The following CCDC152 variants were observed in gnomAD, a reference collection of about 807,000 sequenced individuals.
CCDC152 encodes coiled-coil domain containing 152.
A neutral mutation model predicts 38.1 loss-of-function variants in CCDC152; 37 were observed. The observed-to-expected ratio is 0.97, with a 90% confidence interval of 0.75 to 1.28. The LOEUF (loss-of-function observed/expected upper bound fraction) is 1.28, where lower values mean the gene tolerates loss of function less well. CCDC152 is among the 50% of genes most tolerant of loss of function. CCDC152 has a pLI of 0.00. For missense variants in CCDC152, 259 were observed against 292.1 expected, an observed-to-expected ratio of 0.89 and a Z score of 0.83; for synonymous variants, 83 against 87.1, an observed-to-expected ratio of 0.95 and a Z score of 0.26.
At chr5:42,784,255 T>G (rs1759890197) in intron 6 of CCDC152, among the ~76,000 whole-genome samples, 1 of 152,138 alleles carries the variant, frequency 6.6e-6, no homozygotes, top group Non-Finnish European at 1.5e-5. Flanking sequence ...ACAACATCTG[T>G]TATTTTTTTG....
chr5:42,781,739 C>T (rs1303751133), intron 5 of CCDC152, among the ~76,000 whole-genome samples: 2 of 152,062 alleles, frequency 1.3e-5, no homozygotes. Context: ...TATGTGTGTG[C>T]ACATATATAC....
At chr5:42,776,564 G>C (rs1480128234) in intron 4 of CCDC152, among the ~76,000 whole-genome samples, 1 of 152,094 alleles carries the variant, frequency 6.6e-6, no homozygotes, top group Admixed American at 6.6e-5. Context: ...TCAATCAATT[G>C]ACTATAATGG....
At chr5:42,786,587 T>C (rs1223200024) in intron 6 of CCDC152, among the ~76,000 whole-genome samples, 1 of 152,126 alleles carries the variant, frequency 6.6e-6, no homozygotes, top group Admixed American at 6.6e-5. Flanking sequence ...AAAAACCCAG[T>C]TTTTGTCTCA....
At chr5:42,792,156 AT>A (rs1337971706) in intron 6 of CCDC152, among the ~76,000 whole-genome samples, 2 of 152,030 alleles carry the variant, frequency 1.3e-5, no homozygotes. Context: ...TTTCCATTCT[AT>A]TTTTCAGGAT....
chr5:42,759,940 G>T (rs935149300), intron 2 of CCDC152, among the ~76,000 whole-genome samples: 3 of 152,086 alleles, frequency 2.0e-5, no homozygotes, highest in Non-Finnish European at 4.4e-5. Flanking sequence ...ACTATCTGTG[G>T]TTTCAGGCAT....
chr5:42,783,873 C>T lies in CCDC152; in HGVS notation c.430+297C>T, dbSNP rs531488305. Among the ~76,000 whole-genome samples the T allele has an allele frequency of 4.6e-5, 7 of 152,254 alleles. No individual in the cohort carries two copies. In the South Asian group the frequency reaches 1.2e-3, roughly 27 times the overall value. ...GACTTTCTGTTTCTCAGTTAGTTCACTTAGAATGATGCCCTCCAGCTCCAA... is the reference window on the plus strand; with the variant it reads ...GACTTTCTGTTTCTCAGTTAGTTCATTTAGAATGATGCCCTCCAGCTCCAA... On this transcript the variant is annotated intron_variant, in intron 6 of 8. Coordinates refer to ENST00000361970, the MANE Select transcript of CCDC152 (RefSeq NM_001134848.2).
At chr5:42,776,445 G>C (rs989272000) in intron 4 of CCDC152, among the ~76,000 whole-genome samples, 1 of 152,124 alleles carries the variant, frequency 6.6e-6, no homozygotes, top group Non-Finnish European at 1.5e-5. Flanking sequence ...GTGAGTCAAA[G>C]ATTTATAGAA....
In CCDC152 at chr5:42,762,449, G is replaced by T; in HGVS notation, c.94G>T (p.Val32Leu). 6.8e-7 allele frequency: 1 copy of T among 1,473,572 alleles called. No individual in the cohort carries two copies. Among genetic ancestry groups the T allele is most frequent in the Non-Finnish European group, 9.2e-7 (1 of 1,083,106 alleles). The allele number at this position is 1,473,572 out of a possible 1,614,324, so 91.3% of individuals were successfully genotyped here. A position where few individuals can be genotyped will look rare whatever the true frequency, so the allele number is the denominator to read the frequency against. ...NDFSQIEKKM[V>L]ETNGKNNILD... ...TATTCTATTTCTTCTACAGAAAATGGTAGAAACCAATGGAAAGAACAATAT... is the reference window on the plus strand; with the variant it reads ...TATTCTATTTCTTCTACAGAAAATGTTAGAAACCAATGGAAAGAACAATAT... The change falls in exon 3 of 9, where the codon GTA (valine) becomes TTA (leucine). Residue 32 changes from valine to leucine, a missense_variant. Physicochemically the swap from Val to Leu is conservative, Grantham distance 32 (BLOSUM62 1). Transcript: ENST00000361970.
chr5:42,789,505 G>A (rs1032783185), intron 6 of CCDC152, among the ~76,000 whole-genome samples: 2 of 152,090 alleles, frequency 1.3e-5, no homozygotes, highest in African/African-American at 4.8e-5. Context: ...GCCCCTTGAT[G>A]CATTTTAATT....
chr5:42,757,355 G>C lies in CCDC152; in HGVS notation c.-3+470G>C, dbSNP rs183943661. 2.3e-3 allele frequency among the ~76,000 whole-genome samples: 347 copies of C among 152,306 alleles called. 3 individuals are homozygous for C. The highest frequency in any genetic ancestry group is 7.3e-3 in the African/African-American group (302 of 41,566). ...GGCGAAGGACCAACTGTGTGGGGTA[G>C]GGGAGAGGACGAGCCCCGGGACTCA... On this transcript the variant is annotated intron_variant, in intron 1 of 8. Coordinates refer to ENST00000361970, the MANE Select transcript of CCDC152 (RefSeq NM_001134848.2).
chr5:42,799,247 A>G (rs1052877172), intron 7 of CCDC152, 128 bp from the exon 8 acceptor site: 8 of 464,416 alleles, frequency 1.7e-5, no homozygotes, highest in East Asian at 6.9e-5. Context: ...AGATTTTTCT[A>G]TTGTCTATAC....
chr5:42,800,756 C>T lies in CCDC152; in HGVS notation c.*975C>T, dbSNP rs1210573692. The T allele has an allele frequency of 5.6e-6, 9 of 1,607,890 alleles. No homozygotes were observed. The highest frequency in any genetic ancestry group is 3.4e-5 in the Admixed American group (2 of 59,244). On this transcript the variant is annotated 3_prime_UTR_variant, in exon 9 of 9. Coordinates refer to ENST00000361970, the MANE Select transcript of CCDC152 (RefSeq NM_001134848.2). The stretch of plus-strand genomic sequence containing the variant: ...GTCATTCTCACTTTTTTGCCTGATT[C>T]TTTCAGCGTCAACTGGCACTGGCTT...
At chr5:42,799,617 T>TTCA in intron 8 of CCDC152, 42 bp from the exon 9 acceptor site, 1 of 1,446,942 alleles carries the variant, frequency 6.9e-7, no homozygotes, top group Admixed American at 2.2e-5. Flanking sequence ...TGTACTAAAT[T>TTCA]TTATTTCTGA....
At chr5:42,777,136 A>G (rs1034198915) in intron 4 of CCDC152, among the ~76,000 whole-genome samples, 4 of 152,160 alleles carry the variant, frequency 2.6e-5, no homozygotes, top group Non-Finnish European at 5.9e-5. Flanking sequence ...GAAAAGATCA[A>G]TAAAATTGAC....
intron 4 of CCDC152, 114 bp from the exon 5 acceptor site, chr5:42,779,344 G>C (rs939208922): frequency 1.5e-6 from 1 of 667,438 alleles, no homozygotes; most frequent in Non-Finnish European, 2.7e-6. Context: ...TGTAGCAGCT[G>C]CTGGATGCAT....
At position 42,801,368 on chromosome 5, in the gene CCDC152, A is replaced by G. The variant is rs770845959; in HGVS notation, c.*1587A>G. ...TTATAAATCACTTTTTAACAAGCTT[A>G]TAGAGATAGGAATAATGCGTGAAAA... On this transcript the variant is annotated 3_prime_UTR_variant, in exon 9 of 9. Coordinates refer to ENST00000361970, the MANE Select transcript of CCDC152 (RefSeq NM_001134848.2). 1.4e-6 allele frequency: 2 copies of G among 1,470,082 alleles called. No homozygotes were observed. The highest frequency in any genetic ancestry group is 2.3e-5 in the East Asian group (1 of 44,082). The allele number at this position is 1,470,082 out of a possible 1,614,324, so 91.1% of individuals were successfully genotyped here. A position where few individuals can be genotyped will look rare whatever the true frequency, so the allele number is the denominator to read the frequency against.
chr5:42,763,311 AAAT>A (rs1438455353), intron 3 of CCDC152, among the ~76,000 whole-genome samples: 2 of 152,254 alleles, frequency 1.3e-5, no homozygotes, highest in Non-Finnish European at 2.9e-5. Context: ...TTACTGATAT[AAAT>A]AAATGATTTA....
intron 7 of CCDC152, among the ~76,000 whole-genome samples, chr5:42,797,715 TA>T (rs1249993960): frequency 9.9e-5 from 15 of 152,204 alleles, no homozygotes; most frequent in African/African-American, 3.1e-4. Context: ...TATTTCTCAT[TA>T]AAAAAACAAA....
At chr5:42,764,308 A>AC in intron 3 of CCDC152, among the ~76,000 whole-genome samples, 1 of 152,150 alleles carries the variant, frequency 6.6e-6, no homozygotes, top group East Asian at 1.9e-4. Flanking sequence ...TACTCGGGAG[A>AC]TTGAGGGAGG....
Sources: gnomAD v4.1 joint callset for allele counts (sites outside exome capture counted in the v4.1 genomes callset) on GRCh38, gnomAD v4.1.1 for gene constraint, MANE v1.5 for transcripts, NCBI Gene and HGNC (gene_info 2026-07-23, HGNC 2026-07-21) for gene names.